Variants in PRKCH observed in about 807,000 individuals in gnomAD.
The protein encoded by PRKCH is protein kinase C eta.
In PRKCH, 28 loss-of-function variants were observed where a neutral mutation model predicts 82.5. The observed-to-expected ratio is 0.34, with a 90% CI of 0.25 to 0.47. PRKCH has a LOEUF of 0.47. Among genes scored for constraint, PRKCH ranks in the 20% least tolerant of loss-of-function variants. PRKCH has a pLI of 1.00. For synonymous variants in PRKCH, 322 were observed against 327.4 expected (o/e 0.98, Z 0.18); for missense variants, 705 against 881.8 (o/e 0.80, Z 2.54).
chr14:61,404,397 T>G (rs1043093248), intron 2 of PRKCH, among the ~76,000 whole-genome samples: 4 of 152,348 alleles, frequency 2.6e-5, no homozygotes, highest in African/African-American at 9.6e-5. Context: ...GTTTACAAAA[T>G]GTCCTGGGTC....
chr14:61,448,090 G>T (rs1437164133), intron 4 of PRKCH, among the ~76,000 whole-genome samples: 1 of 152,190 alleles, frequency 6.6e-6, no homozygotes, highest in Non-Finnish European at 1.5e-5. Flanking sequence ...AAGTATTTCT[G>T]TGTGAAGGAT....
intron 1 of PRKCH, among the ~76,000 whole-genome samples, chr14:61,259,698 C>T (rs1464404375): frequency 1.3e-5 from 2 of 152,210 alleles, no homozygotes; most frequent in Non-Finnish European, 2.9e-5. Flanking sequence ...CTCCACTGCA[C>T]ACTTGACCTT....
chr14:61,528,976 GT>G, intron 10 of PRKCH, 98 bp from the exon 11 acceptor site: 2 of 906,518 alleles, frequency 2.2e-6, no homozygotes, highest in Admixed American at 3.2e-5. Context: ...GGCCGCACGT[GT>G]GTGTGTGTGT....
rs191383808 is a variant in PRKCH, at chr14:61,339,533, C to T, written c.363+17069C>T. On this transcript the variant is annotated intron_variant, in intron 1 of 13. Transcript: ENST00000332981. ...AGAGACGGGGTTTCACCTTGTTAGC[C>T]AGGATGGTCTCGATCTCCTGACCTC... 5.1e-4 allele frequency among the ~76,000 whole-genome samples: 77 copies of T among 149,858 alleles called. No homozygotes were observed. In the East Asian group the frequency reaches 0.015, roughly 30 times the overall value.
At chr14:61,383,811 A>C (rs1338150424) in intron 1 of PRKCH, among the ~76,000 whole-genome samples, 1 of 152,126 alleles carries the variant, frequency 6.6e-6, no homozygotes, top group African/African-American at 2.4e-5. Flanking sequence ...AGCAGGTTTT[A>C]AAAAGTGATT....
At chr14:61,367,107 G>T (rs1333112854) in intron 1 of PRKCH, among the ~76,000 whole-genome samples, 1 of 152,034 alleles carries the variant, frequency 6.6e-6, no homozygotes, top group East Asian at 1.9e-4. Context: ...TACTTTGGCA[G>T]ACTGGAGACC....
Position 61,549,668 on chromosome 14 carries a change from C to T in PRKCH, c.1906-17C>T, listed in dbSNP as rs751171352. The T allele has an allele frequency of 6.2e-7, 1 of 1,608,346 alleles. No individual in the cohort carries two copies. Among genetic ancestry groups the T allele is most frequent in the East Asian group, 2.2e-5 (1 of 44,838 alleles). The stretch of plus-strand genomic sequence containing the variant: ...AGCGCAAAAATCTCACCCTTGTTTC[C>T]CTTTTTTTTTTGGCAGAAATCCCGA... On this transcript the variant is annotated splice_polypyrimidine_tract_variant and intron_variant, in intron 13 of 13. Coordinates refer to ENST00000332981, the MANE Select transcript of PRKCH (RefSeq NM_006255.5).
intron 1 of PRKCH, among the ~76,000 whole-genome samples, chr14:61,229,535 T>C (rs759458702): frequency 7.9e-5 from 12 of 152,214 alleles, no homozygotes; most frequent in Admixed American, 7.9e-4. Context: ...TTTGTGTAAA[T>C]GGCTGTTTTA....
chr14:61,356,676 G>A (rs1312249744), intron 1 of PRKCH, among the ~76,000 whole-genome samples: 1 of 151,956 alleles, frequency 6.6e-6, no homozygotes, highest in Non-Finnish European at 1.5e-5. Context: ...TTTCTTATAG[G>A]AAATTTTGTT....
At chr14:61,385,085 T>C (rs1404504847) in intron 1 of PRKCH, among the ~76,000 whole-genome samples, 2 of 152,066 alleles carry the variant, frequency 1.3e-5, no homozygotes, top group African/African-American at 4.8e-5. Flanking sequence ...TTGTTCTTTT[T>C]ACCAAGAGAA....
intron 4 of PRKCH, among the ~76,000 whole-genome samples, chr14:61,446,449 A>G (rs1188955864): frequency 6.6e-6 from 1 of 152,246 alleles, no homozygotes; most frequent in African/African-American, 2.4e-5. Context: ...CTGTTTCACT[A>G]TGTGGATGAT....
Position 61,423,323 on chromosome 14 carries a change from A to C in PRKCH, c.428-19788A>C, listed in dbSNP as rs189020980. Among the ~76,000 whole-genome samples, 3 of 152,352 alleles carry C rather than the reference A, an allele frequency of 2.0e-5. No homozygotes were observed. The East Asian group carries it at 5.8e-4, about 29-fold the overall frequency. ...CATTACGACAGACCCTGGAGGATCC[A>C]AAACTGTAAAATCTAGCTCTGATCT... On this transcript the variant is annotated intron_variant, in intron 2 of 13. Coordinates refer to ENST00000332981, the MANE Select transcript of PRKCH (RefSeq NM_006255.5).
rs147009520 is a variant in PRKCH, at chr14:61,280,732, G to A, written c.-19+93064G>A. 158 of 1,574,618 alleles carry A rather than the reference G, an allele frequency of 1.0e-4. 2 individuals are homozygous for A. Among genetic ancestry groups the A allele is most frequent in the Non-Finnish European group, 1.3e-4 (152 of 1,165,502 alleles). ...GCACTCGTTGACAGGGTGGCGCAGCGCGCTGGGGAGTCCGCTCAGCTGCGC... is the reference window on the plus strand; with the variant it reads ...GCACTCGTTGACAGGGTGGCGCAGCACGCTGGGGAGTCCGCTCAGCTGCGC... On this transcript the variant is annotated intron_variant, in intron 1 of 3. Coordinates refer to the PRKCH transcript ENST00000555185. The surrounding 1 kb of genome is among the most constrained non-coding windows in gnomAD (Gnocchi z 5.0).
At chr14:61,330,627 G>T (rs2045772215) in intron 1 of PRKCH, among the ~76,000 whole-genome samples, 1 of 152,202 alleles carries the variant, frequency 6.6e-6, no homozygotes, top group Non-Finnish European at 1.5e-5. Flanking sequence ...ACAGCCTGTA[G>T]GTCTATTCAT....
intron 1 of PRKCH, chr14:61,279,905 C>T (rs1225030679): frequency 1.7e-6 from 1 of 601,082 alleles, no homozygotes; most frequent in Admixed American, 3.0e-5. Context: ...CAACATCCCT[C>T]CCCGCGGCAA....
intron 1 of PRKCH, among the ~76,000 whole-genome samples, chr14:61,388,443 T>C (rs1953989900): frequency 1.3e-5 from 2 of 152,134 alleles, no homozygotes; most frequent in African/African-American, 4.8e-5. Context: ...TCCTGACCCA[T>C]CTTGGGGTGG....
At chr14:61,373,324 A>G (rs1267295714) in intron 1 of PRKCH, among the ~76,000 whole-genome samples, 1 of 151,742 alleles carries the variant, frequency 6.6e-6, no homozygotes, top group East Asian at 1.9e-4. Context: ...AGCATGACGG[A>G]GCAGGGTAGA....
chr14:61,326,713 A>G (rs1340046870), intron 1 of PRKCH, among the ~76,000 whole-genome samples: 3 of 152,236 alleles, frequency 2.0e-5, no homozygotes, highest in Non-Finnish European at 4.4e-5. Flanking sequence ...CTTGAAAACT[A>G]CATTTCCTCT....
intron 1 of PRKCH, among the ~76,000 whole-genome samples, chr14:61,273,531 G>A (rs2045176434): frequency 6.6e-6 from 1 of 152,154 alleles, no homozygotes; most frequent in Admixed American, 6.5e-5. Context: ...TTAACATACT[G>A]GAGTTTAATA....
Sources: gnomAD v4.1 joint callset for allele counts (sites outside exome capture counted in the v4.1 genomes callset) on GRCh38, gnomAD v4.1.1 for gene constraint, Gnocchi (gnomAD v3.1) non-coding constraint, MANE v1.5 for transcripts, NCBI Gene and HGNC (gene_info 2026-07-23, HGNC 2026-07-21) for gene names.